PALLD: variants seen among roughly 807,000 people sequenced by gnomAD.
The protein encoded by PALLD is palladin.
A neutral mutation model predicts 123.5 loss-of-function variants in PALLD; 61 were observed. The ratio of observed to expected loss-of-function variants is 0.49; its 90% confidence interval spans 0.40 to 0.61. The LOEUF (loss-of-function observed/expected upper bound fraction) is 0.61, where lower values mean the gene tolerates loss of function less well. Among genes scored for constraint, PALLD ranks in the 20% least tolerant of loss-of-function variants. PALLD has a pLI of 0.00. For synonymous variants in PALLD, 465 were observed against 496.4 expected (o/e 0.94, Z 0.84); for missense variants, 1,273 against 1,377.0 (o/e 0.92, Z 1.20).
chr4:168,553,419 A>G (rs11132315), intron 2 of PALLD, among the ~76,000 whole-genome samples: 17,872 of 152,282 alleles, frequency 0.12, 1,436 homozygotes, highest in Non-Finnish European at 0.17. Context: ...AAGTGCTACA[A>G]TTGAAAATTT....
At chr4:168,780,054 A>G (rs768308315) in intron 10 of PALLD, among the ~76,000 whole-genome samples, 8 of 151,972 alleles carry the variant, frequency 5.3e-5, no homozygotes, top group Non-Finnish European at 1.0e-4. Context: ...GTGTGCCACC[A>G]TGCCCGACTA....
intron 13 of PALLD, 153 bp from the exon 14 acceptor site, chr4:168,898,340 G>T: frequency 4.4e-5 from 29 of 664,434 alleles, no homozygotes; most frequent in Middle Eastern, 8.0e-4. Context: ...GATGTTTTTT[G>T]TTTCATATGC....
chr4:168,878,447 C>T, intron 10 of PALLD: 1 of 1,358,884 alleles, frequency 7.4e-7, no homozygotes, highest in Non-Finnish European at 9.7e-7. Flanking sequence ...TCGGGTCGCC[C>T]TGGGACTCCC....
At chr4:168,633,992 C>G (rs2149838233) in intron 2 of PALLD, among the ~76,000 whole-genome samples, 1 of 152,266 alleles carries the variant, frequency 6.6e-6, no homozygotes, top group Admixed American at 6.5e-5. Flanking sequence ...ATGGCACTTG[C>G]AAGAGACAAG....
At chr4:168,631,581 C>G in intron 2 of PALLD, 2 of 985,096 alleles carry the variant, frequency 2.0e-6, no homozygotes, top group Non-Finnish European at 2.4e-6. Flanking sequence ...CTCCGACACA[C>G]TCCGCGCACA....
intron 2 of PALLD, among the ~76,000 whole-genome samples, chr4:168,590,681 C>T (rs115520540): frequency 0.02 from 3,048 of 152,102 alleles, 50 homozygotes; most frequent in Non-Finnish European, 0.033. Flanking sequence ...AGAAAATGAG[C>T]AAGGGACTGG....
intron 10 of PALLD, among the ~76,000 whole-genome samples, chr4:168,842,309 A>C (rs1581723345): frequency 6.6e-6 from 1 of 152,360 alleles, no homozygotes; most frequent in East Asian, 1.9e-4. Context: ...AGCTCACAGC[A>C]GTCTGATTAA....
At chr4:168,887,364 A>G (rs567031512) in intron 10 of PALLD, among the ~76,000 whole-genome samples, 1 of 152,280 alleles carries the variant, frequency 6.6e-6, no homozygotes, top group African/African-American at 2.4e-5. Flanking sequence ...TTCTTGTCCA[A>G]GGGAACTTGT....
At chr4:168,515,333 G>C (rs1762891684) in intron 2 of PALLD, among the ~76,000 whole-genome samples, 1 of 152,164 alleles carries the variant, frequency 6.6e-6, no homozygotes, top group African/African-American at 2.4e-5. Context: ...CTGCAATGGG[G>C]CATTTTAGAA....
chr4:168,889,808 G>T (rs536593466), intron 10 of PALLD, among the ~76,000 whole-genome samples: 9 of 152,188 alleles, frequency 5.9e-5, no homozygotes, highest in African/African-American at 2.2e-4. Context: ...AGTAGGTCTG[G>T]AGTGATGCCA....
chr4:168,734,609 A>G (rs1581199847), intron 10 of PALLD, among the ~76,000 whole-genome samples: 1 of 152,152 alleles, frequency 6.6e-6, no homozygotes, highest in Non-Finnish European at 1.5e-5. Flanking sequence ...TTCAATCTTC[A>G]TTAGCCGTTA....
chr4:168,834,686 A>G (rs1744867199), intron 10 of PALLD, among the ~76,000 whole-genome samples: 1 of 152,100 alleles, frequency 6.6e-6, no homozygotes, highest in Non-Finnish European at 1.5e-5. Flanking sequence ...GCAGTGAGCC[A>G]AGATTACACC....
At chr4:168,602,639 C>T (rs576023378) in intron 2 of PALLD, among the ~76,000 whole-genome samples, 1 of 152,288 alleles carries the variant, frequency 6.6e-6, no homozygotes, top group Non-Finnish European at 1.5e-5. Flanking sequence ...CCATTTTAGC[C>T]ATTTCAGATG....
intron 2 of PALLD, among the ~76,000 whole-genome samples, chr4:168,557,538 T>A (rs1767444171): frequency 6.6e-6 from 1 of 152,244 alleles, no homozygotes; most frequent in South Asian, 2.1e-4. Context: ...ATCAATATGT[T>A]GGACTAGGAC....
intron 15 of PALLD, among the ~76,000 whole-genome samples, chr4:168,908,956 C>T (rs1308062127): frequency 6.6e-6 from 1 of 152,184 alleles, no homozygotes; most frequent in East Asian, 1.9e-4. Context: ...TTGACTGCAT[C>T]CAAATTCTAC....
chr4:168,803,788 G>A (rs1391834395), intron 10 of PALLD, among the ~76,000 whole-genome samples: 1 of 152,190 alleles, frequency 6.6e-6, no homozygotes, highest in South Asian at 2.1e-4. Flanking sequence ...GACAGTGCCA[G>A]GGCCCCATGT....
At chr4:168,734,736 C>T (rs1191019570) in intron 10 of PALLD, among the ~76,000 whole-genome samples, 3 of 152,082 alleles carry the variant, frequency 2.0e-5, no homozygotes, top group African/African-American at 7.2e-5. Context: ...AACACTATTC[C>T]TTTAAGCACT....
At chr4:168,585,050 T>A (rs565941867) in intron 2 of PALLD, among the ~76,000 whole-genome samples, 1 of 152,182 alleles carries the variant, frequency 6.6e-6, no homozygotes, top group Non-Finnish European at 1.5e-5. Flanking sequence ...TAATTCTAAC[T>A]GACAAGAAGA....
chr4:168,755,571 G>A (rs778329081), intron 10 of PALLD, among the ~76,000 whole-genome samples: 14 of 152,174 alleles, frequency 9.2e-5, no homozygotes, highest in Non-Finnish European at 1.8e-4. Flanking sequence ...TAAGGACTTC[G>A]GTGTCTATTC....
Sources: allele counts gnomAD v4.1 joint callset (sites outside exome capture counted in the v4.1 genomes callset), GRCh38; gene constraint gnomAD v4.1.1; transcripts MANE v1.5; gene names NCBI Gene and HGNC (gene_info 2026-07-23, HGNC 2026-07-21).